The following ARL6IP6 variants were observed in gnomAD, a reference collection of about 807,000 sequenced individuals.
ARL6IP6 encodes the protein ADP-ribosylation factor-like protein 6-interacting protein 6.
In ARL6IP6, 22 loss-of-function variants were observed where a neutral mutation model predicts 21.5. That is an observed-to-expected ratio of 1.02 (90% CI 0.73 to 1.46). ARL6IP6 has a LOEUF of 1.46. Ranked by LOEUF, ARL6IP6 falls within the 40% of genes most tolerant of loss-of-function variation. The pLI, the probability that ARL6IP6 is intolerant of heterozygous loss-of-function variation, is 0.00. For synonymous variants in ARL6IP6, 164 were observed against 125.3 expected (o/e 1.31, Z -2.06); for missense variants, 388 against 299.8 (o/e 1.29, Z -2.17).
At chr2:152,723,491 C>A (rs893674060) in intron 2 of ARL6IP6, among the ~76,000 whole-genome samples, 1 of 152,180 alleles carries the variant, frequency 6.6e-6, no homozygotes, top group Non-Finnish European at 1.5e-5. Flanking sequence ...AAATTTACTG[C>A]AAATTTCCTC....
At chr2:152,756,824 G>A (rs775895372) in intron 3 of ARL6IP6, among the ~76,000 whole-genome samples, 1 of 152,122 alleles carries the variant, frequency 6.6e-6, no homozygotes, top group African/African-American at 2.4e-5. Context: ...CGTTGATAGT[G>A]GAAGTGTAAA....
intron 1 of ARL6IP6, among the ~76,000 whole-genome samples, chr2:152,719,733 A>G (rs1699641721): frequency 7.2e-6 from 1 of 139,670 alleles, no homozygotes; most frequent in Non-Finnish European, 1.5e-5. Flanking sequence ...CTAGTTTGTG[A>G]CCTTTGCCAA....
intron 2 of ARL6IP6, among the ~76,000 whole-genome samples, chr2:152,722,787 A>G (rs1383124372): frequency 6.6e-6 from 1 of 152,184 alleles, no homozygotes; most frequent in Non-Finnish European, 1.5e-5. Context: ...ACAGGCCTGT[A>G]ATCCCACCTA....
chr2:152,731,793 A>G (rs1700326077), intron 2 of ARL6IP6, among the ~76,000 whole-genome samples: 1 of 152,174 alleles, frequency 6.6e-6, no homozygotes. Flanking sequence ...GAAATTTTTT[A>G]AAATATCTAA....
intron 3 of ARL6IP6, among the ~76,000 whole-genome samples, chr2:152,735,846 CA>C (rs1401935584): frequency 6.6e-6 from 1 of 151,928 alleles, no homozygotes; most frequent in Non-Finnish European, 1.5e-5. Flanking sequence ...TTGTTACTAC[CA>C]GGTCTAGCCT....
intron 2 of ARL6IP6, 93 bp downstream of exon 2, chr2:152,720,679 T>TA (rs1699747487): frequency 1.8e-6 from 2 of 1,102,832 alleles, no homozygotes; most frequent in African/African-American, 3.1e-5. Flanking sequence ...ATACTTAATG[T>TA]ATTTCTATGT....
rs139485672 is a variant in ARL6IP6, at chr2:152,723,820, G to A, written c.454+3234G>A. Among the ~76,000 whole-genome samples the A allele has an allele frequency of 3.8e-4, 58 of 152,120 alleles. 1 individual carries two copies. In the East Asian group the frequency reaches 9.3e-3, roughly 24 times the overall value. On this transcript the variant is annotated intron_variant, in intron 2 of 3. Coordinates refer to ENST00000326446, the MANE Select transcript of ARL6IP6 (RefSeq NM_152522.7). The stretch of plus-strand genomic sequence containing the variant: ...AGTGTTAAAAAAAGTCCAAGAGAAA[G>A]GATGTGTGGGAGGTGGCCCATTCTC...
chr2:152,724,603 C>A (rs1168694522), intron 2 of ARL6IP6, among the ~76,000 whole-genome samples: 1 of 152,152 alleles, frequency 6.6e-6, no homozygotes, highest in Non-Finnish European at 1.5e-5. Context: ...GACATTAGGA[C>A]CCCTAAATCT....
intron 3 of ARL6IP6, among the ~76,000 whole-genome samples, chr2:152,746,109 C>G (rs1164410072): frequency 7.2e-6 from 1 of 139,650 alleles, no homozygotes; most frequent in African/African-American, 2.7e-5. Flanking sequence ...CCTTTGCCTT[C>G]TGGGCTGAAG....
At chr2:152,730,021 G>A (rs73971961) in intron 2 of ARL6IP6, among the ~76,000 whole-genome samples, 377 of 152,154 alleles carry the variant, frequency 2.5e-3, no homozygotes, top group African/African-American at 8.7e-3. Flanking sequence ...AAATGAATTA[G>A]GTAATTTCCC....
intron 2 of ARL6IP6, among the ~76,000 whole-genome samples, chr2:152,727,691 C>T (rs932122093): frequency 1.3e-5 from 2 of 152,132 alleles, no homozygotes; most frequent in Non-Finnish European, 1.5e-5. Flanking sequence ...GTATTACAGT[C>T]GCGTGCAGTA....
chr2:152,747,494 G>A lies in ARL6IP6; in HGVS notation c.588-12253G>A, dbSNP rs144548271. On this transcript the variant is annotated intron_variant, in intron 3 of 3. Coordinates refer to ENST00000326446, the MANE Select transcript of ARL6IP6 (RefSeq NM_152522.7). ...CCTTTATGTTCCAGTAATACTGCCTGCAAAACAATCTACTACGTCACAAGA... is the reference window on the plus strand; with the variant it reads ...CCTTTATGTTCCAGTAATACTGCCTACAAAACAATCTACTACGTCACAAGA... Among the ~76,000 whole-genome samples, 889 of 152,060 alleles carry A rather than the reference G, an allele frequency of 5.8e-3. 6 individuals are homozygous for A. Among genetic ancestry groups the A allele is most frequent in the African/African-American group, 0.02 (850 of 41,492 alleles).
chr2:152,718,307 A>G (rs1217881857), upstream of ARL6IP6: 2 of 289,558 alleles, frequency 6.9e-6, no homozygotes, highest in Admixed American at 1.1e-4. Flanking sequence ...GGGGTGGCGG[A>G]GGTCTCCGGC....
intron 3 of ARL6IP6, among the ~76,000 whole-genome samples, chr2:152,757,110 G>A (rs1230952516): frequency 6.6e-6 from 1 of 152,184 alleles, no homozygotes; most frequent in African/African-American, 2.4e-5. Context: ...ACAGTACTGA[G>A]CAAAAGAAGG....
At chr2:152,718,577 G>A, upstream of ARL6IP6, 3 of 1,493,202 alleles carry the variant, frequency 2.0e-6, no homozygotes, top group Non-Finnish European at 1.8e-6. Flanking sequence ...CCGGGGCGGG[G>A]CAGGTGGGAG....
At chr2:152,730,952 A>G (rs1700281993) in intron 2 of ARL6IP6, among the ~76,000 whole-genome samples, 1 of 152,226 alleles carries the variant, frequency 6.6e-6, no homozygotes, top group South Asian at 2.1e-4. Context: ...GCAAACATGC[A>G]TACAACCTAC....
intron 3 of ARL6IP6, among the ~76,000 whole-genome samples, chr2:152,749,373 C>G (rs1476191598): frequency 6.6e-6 from 1 of 151,508 alleles, no homozygotes; most frequent in East Asian, 1.9e-4. Flanking sequence ...TCTCCCATTT[C>G]TTTCTTCCAT....
At chr2:152,726,997 T>G (rs546002395) in intron 2 of ARL6IP6, among the ~76,000 whole-genome samples, 33 of 152,336 alleles carry the variant, frequency 2.2e-4, no homozygotes, top group African/African-American at 7.5e-4. Context: ...TTACTATGCT[T>G]CTTATTGTTT....
intron 3 of ARL6IP6, among the ~76,000 whole-genome samples, chr2:152,741,351 T>G (rs1170565892): frequency 6.6e-6 from 1 of 151,996 alleles, no homozygotes; most frequent in Non-Finnish European, 1.5e-5. Flanking sequence ...ATAACTGGTT[T>G]GTTAAAATAG....
Sources: allele counts gnomAD v4.1 joint callset (sites outside exome capture counted in the v4.1 genomes callset), GRCh38; gene constraint gnomAD v4.1.1; transcripts MANE v1.5; gene names NCBI Gene and HGNC (gene_info 2026-07-23, HGNC 2026-07-21).